GRB10: variants seen among roughly 807,000 people sequenced by gnomAD.
GRB10 encodes the protein growth factor receptor-bound protein 10.
A neutral mutation model predicts 80.9 loss-of-function variants in GRB10; 20 were observed. That is an observed-to-expected ratio of 0.25 (90% CI 0.17 to 0.36). The LOEUF (loss-of-function observed/expected upper bound fraction) is 0.36. Ranked by LOEUF, GRB10 falls within the 10% of genes least tolerant of loss-of-function variation. GRB10 has a pLI of 1.00. For missense variants in GRB10, 548 were observed against 747.7 expected (o/e 0.73, Z 3.12); for synonymous variants, 291 against 291.5 (o/e 1.00, Z 0.02).
At chr7:50,752,653 G>C (rs1458965098) in intron 3 of GRB10, among the ~76,000 whole-genome samples, 1 of 152,112 alleles carries the variant, frequency 6.6e-6, no homozygotes, top group African/African-American at 2.4e-5. Flanking sequence ...CATGAGAGTT[G>C]CCCTCCTGTG....
At chr7:50,759,462 T>A (rs1381357209) in intron 2 of GRB10, among the ~76,000 whole-genome samples, 1 of 152,146 alleles carries the variant, frequency 6.6e-6, no homozygotes, top group East Asian at 1.9e-4. Flanking sequence ...GATGCTCCAG[T>A]CCCTGGTATA....
intron 17 of GRB10, among the ~76,000 whole-genome samples, chr7:50,599,754 T>G (rs953273704): frequency 6.6e-6 from 1 of 152,186 alleles, no homozygotes; most frequent in East Asian, 1.9e-4. Flanking sequence ...GGGTTTCTGA[T>G]CCGAGAAAAA....
At chr7:50,774,022 C>T (rs1455359844) in intron 2 of GRB10, among the ~76,000 whole-genome samples, 1 of 152,104 alleles carries the variant, frequency 6.6e-6, no homozygotes, top group Non-Finnish European at 1.5e-5. Flanking sequence ...TATTATTCAG[C>T]CATAAAAAGG....
At chr7:50,629,792 G>A (rs2053669570) in intron 7 of GRB10, among the ~76,000 whole-genome samples, 1 of 152,202 alleles carries the variant, frequency 6.6e-6, no homozygotes, top group African/African-American at 2.4e-5. Flanking sequence ...TGCCCCTTTA[G>A]TAACCACCTG....
Position 50,686,916 on chromosome 7 carries a change from G to T in GRB10, c.140-12258C>A, listed in dbSNP as rs191526265. 1.6e-3 allele frequency among the ~76,000 whole-genome samples: 238 copies of T among 152,242 alleles called. 3 individuals carry two copies. Among genetic ancestry groups the T allele is most frequent in the Admixed American group, 0.014 (218 of 15,290 alleles). Reference sequence around the variant, plus strand: ...TTCTTTAGTTTTTTCCTCACTAAATGTAAGTTTTATTTTTTTATTTAGATA... The same window carrying T: ...TTCTTTAGTTTTTTCCTCACTAAATTTAAGTTTTATTTTTTTATTTAGATA... On this transcript the variant is annotated intron_variant, in intron 5 of 18. Transcript: ENST00000401949.
At chr7:50,708,716 G>A (rs140744653) in intron 4 of GRB10, among the ~76,000 whole-genome samples, 1,761 of 127,482 alleles carry the variant, frequency 0.014, 46 homozygotes, top group African/African-American at 0.049. Flanking sequence ...TCACTCTGTC[G>A]CCAGGCTGGA....
chr7:50,689,899 A>T (rs180904485), intron 5 of GRB10, among the ~76,000 whole-genome samples: 1 of 151,824 alleles, frequency 6.6e-6, no homozygotes, highest in Non-Finnish European at 1.5e-5. Flanking sequence ...TTAAAATTGT[A>T]TAAGAAAGAT....
At chr7:50,769,819 C>T (rs78580860) in intron 2 of GRB10, among the ~76,000 whole-genome samples, 2,347 of 152,246 alleles carry the variant, frequency 0.015, 24 homozygotes, top group Non-Finnish European at 0.024. Context: ...AAAAAGCCAG[C>T]CTTCTTATTC....
intron 7 of GRB10, among the ~76,000 whole-genome samples, chr7:50,645,891 T>C (rs1313175477): frequency 6.6e-6 from 1 of 152,236 alleles, no homozygotes; most frequent in Non-Finnish European, 1.5e-5. Context: ...TGCAGAGTCC[T>C]AGCCAGTGGC....
At chr7:50,661,894 G>A (rs945409410) in intron 7 of GRB10, among the ~76,000 whole-genome samples, 2 of 152,224 alleles carry the variant, frequency 1.3e-5, no homozygotes, top group African/African-American at 4.8e-5. Flanking sequence ...GACAAGTGCC[G>A]TGACACAGGA....
chr7:50,788,514 T>C (rs2078787614), intron 1 of GRB10, among the ~76,000 whole-genome samples: 1 of 152,124 alleles, frequency 6.6e-6, no homozygotes, highest in African/African-American at 2.4e-5. Context: ...CAGTGCCACC[T>C]GCACTGACCC....
chr7:50,768,993 T>C (rs147868088), intron 2 of GRB10, among the ~76,000 whole-genome samples: 1 of 152,312 alleles, frequency 6.6e-6, no homozygotes, highest in African/African-American at 2.4e-5. Context: ...AACAGAAAGC[T>C]ACCCGGGACC....
chr7:50,745,968 A>T (rs532659533), intron 3 of GRB10, among the ~76,000 whole-genome samples: 61 of 152,328 alleles, frequency 4.0e-4, no homozygotes, highest in South Asian at 1.0e-3. Context: ...GCAAATCTTG[A>T]ACAAGGCCTG....
intron 7 of GRB10, among the ~76,000 whole-genome samples, chr7:50,660,968 G>GA (rs1185692805): frequency 6.6e-6 from 1 of 152,198 alleles, no homozygotes; most frequent in Admixed American, 6.5e-5. Context: ...AAAGGCACCA[G>GA]AAAAGGTGAC....
At chr7:50,628,518 C>T (rs1005573902) in intron 7 of GRB10, among the ~76,000 whole-genome samples, 10 of 148,296 alleles carry the variant, frequency 6.7e-5, no homozygotes, top group East Asian at 2.1e-4. Context: ...AGCTGTCACC[C>T]GGTGGGCAGG....
At chr7:50,783,304 G>A (rs1428013175), upstream of GRB10, among the ~76,000 whole-genome samples, 1 of 152,144 alleles carries the variant, frequency 6.6e-6, no homozygotes, top group East Asian at 1.9e-4. Flanking sequence ...CAGGCATAAC[G>A]TTACTGAACA....
intron 3 of GRB10, among the ~76,000 whole-genome samples, chr7:50,744,536 G>A (rs1304942720): frequency 6.6e-6 from 1 of 152,090 alleles, no homozygotes; most frequent in Non-Finnish European, 1.5e-5. Context: ...AGTCATTAAC[G>A]CACATGTTGT....
chr7:50,746,186 A>T (rs539364807), intron 3 of GRB10, among the ~76,000 whole-genome samples: 2 of 152,348 alleles, frequency 1.3e-5, no homozygotes, highest in African/African-American at 4.8e-5. Context: ...GTTGATGAGG[A>T]TGTAAACCCA....
At chr7:50,598,478 G>A (rs559480074) in intron 17 of GRB10, among the ~76,000 whole-genome samples, 2 of 152,162 alleles carry the variant, frequency 1.3e-5, no homozygotes, top group South Asian at 2.1e-4. Context: ...ATAAATGAAC[G>A]AAGAGCCCCT....
Sources: gnomAD v4.1 joint callset for allele counts (sites outside exome capture counted in the v4.1 genomes callset) on GRCh38, gnomAD v4.1.1 for gene constraint, MANE v1.5 for transcripts, NCBI Gene and HGNC (gene_info 2026-07-23, HGNC 2026-07-21) for gene names.